CFAP45: variants seen among roughly 807,000 people sequenced by gnomAD.
CFAP45 encodes cilia and flagella associated protein 45, also known as cilia- and flagella-associated protein 45.
A neutral mutation model predicts 75.6 loss-of-function variants in CFAP45; 43 were observed. The observed-to-expected ratio is 0.57, with a 90% CI of 0.45 to 0.73. The LOEUF (loss-of-function observed/expected upper bound fraction) is 0.73, where lower values mean the gene tolerates loss of function less well. Ranked by LOEUF, CFAP45 falls within the 30% of genes least tolerant of loss-of-function variation. The pLI, the probability that CFAP45 is intolerant of heterozygous loss-of-function variation, is 0.00. For missense variants in CFAP45, 689 were observed against 701.5 expected, an observed-to-expected ratio of 0.98 and a Z score of 0.20; for synonymous variants, 223 against 244.6, an observed-to-expected ratio of 0.91 and a Z score of 0.82.
chr1:159,880,721 G>A (rs910471941), intron 7 of CFAP45, 21 bp from the exon 8 acceptor site: 2 of 1,612,934 alleles, frequency 1.2e-6, no homozygotes, highest in African/African-American at 2.7e-5. Context: ...AAGAAAGAGA[G>A]CCTCAGAGTA....
rs1649473267 is a variant in CFAP45 at position 159,878,762 on chromosome 1, A to AAAAAAAAAAT, written c.1045-1301_1045-1300insATTTTTTTTT. Among the ~76,000 whole-genome samples, 7 of 124,206 alleles carry AAAAAAAAAAT rather than the reference A, an allele frequency of 5.6e-5. 1 individual carries two copies. Among genetic ancestry groups the AAAAAAAAAAT allele is most frequent in the African/African-American group, 2.0e-4 (7 of 35,806 alleles). The allele number at this position is 124,206 out of a possible 152,430, so 81.5% of individuals were successfully genotyped here. On this transcript the variant is annotated intron_variant, in intron 8 of 11. Coordinates refer to ENST00000368099, the MANE Select transcript of CFAP45 (RefSeq NM_012337.3). Reference sequence around the variant, plus strand: ...AGAGCAAGACTACATCTAAAAAAAAAAAAAAAAAAAAAAAAAAAAACCTTC... The same window carrying AAAAAAAAAAT: ...AGAGCAAGACTACATCTAAAAAAAAAAAAAAAAAATAAAAAAAAAAAAAAAAAAAACCTTC...
intron 10 of CFAP45, among the ~76,000 whole-genome samples, chr1:159,876,012 C>T (rs1287906244): frequency 6.6e-6 from 1 of 152,214 alleles, no homozygotes; most frequent in Non-Finnish European, 1.5e-5. Context: ...TCTCTAATAC[C>T]TTTCCTGTGG....
At chr1:159,886,320 C>T (rs915080740) in intron 6 of CFAP45, among the ~76,000 whole-genome samples, 191 bp downstream of exon 6, 8 of 150,416 alleles carry the variant, frequency 5.3e-5, no homozygotes, top group Non-Finnish European at 8.9e-5. Flanking sequence ...AGAGCCTGGG[C>T]GACAGAGTGA....
Position 159,877,350 on chromosome 1 carries a change from T to C in CFAP45, c.1157A>G (p.Gln386Arg). Residue 386 changes from glutamine (Q) to arginine (R), a missense_variant and splice_region_variant, in exon 9 of 12, where the codon CAG becomes CGG. Transcript: ENST00000368099. ...QEKAQDYQAE[Q>R]DALRAKRNQE... is the part of the protein sequence containing the mutation. ...GGGAAGTCGAGACTAAGCAGGTACC[T>C]GTTCTGCCTGGTAATCCTGGGCCTT... is the stretch of plus-strand genomic sequence containing the variant. 6.2e-7 allele frequency: 1 copy of C among 1,600,004 alleles called. No individual in the cohort carries two copies. The highest frequency in any genetic ancestry group is 8.6e-7 in the Non-Finnish European group (1 of 1,167,054).
At chr1:159,890,419 C>T in intron 3 of CFAP45, 61 bp downstream of exon 3, 1 of 1,568,990 alleles carries the variant, frequency 6.4e-7, no homozygotes, top group Non-Finnish European at 8.7e-7. Flanking sequence ...CATCTCCCTA[C>T]AAAGATCCTT....
chr1:159,887,737 G>T, intron 5 of CFAP45, 104 bp downstream of exon 5: 91 of 1,066,236 alleles, frequency 8.5e-5, no homozygotes, highest in Non-Finnish European at 1.0e-4. Flanking sequence ...CCCCACCCCT[G>T]CCCACACCCC....
intron 8 of CFAP45, among the ~76,000 whole-genome samples, chr1:159,878,778 A>AAAAAAAAAAAAAC (rs1462750076): frequency 7.2e-6 from 1 of 137,968 alleles, no homozygotes; most frequent in East Asian, 2.0e-4. Context: ...AAAAAAAAAA[A>AAAAAAAAAAAAAC]AAAACCTTCC....
chr1:159,895,567 C>T (rs373109986), intron 1 of CFAP45, among the ~76,000 whole-genome samples: 5 of 152,180 alleles, frequency 3.3e-5, no homozygotes, highest in African/African-American at 7.2e-5. Context: ...CCTCACTGCC[C>T]GGCACAGCCA....
chr1:159,900,070 G>A (rs766068410), intron 1 of CFAP45, 26 bp downstream of exon 1: 8 of 1,613,716 alleles, frequency 5.0e-6, no homozygotes, highest in African/African-American at 1.3e-5. Flanking sequence ...CAGGACACAA[G>A]GGGCCCATCT....
chr1:159,887,036 C>T (rs977711465), intron 5 of CFAP45, among the ~76,000 whole-genome samples: 1 of 152,094 alleles, frequency 6.6e-6, no homozygotes, highest in African/African-American at 2.4e-5. Flanking sequence ...CATGTACACA[C>T]AAAATTTCTA....
chr1:159,877,433 C>T lies in CFAP45; in HGVS notation c.1074G>A (p.Gln358=). 5 of 1,614,136 alleles carry T rather than the reference C, an allele frequency of 3.1e-6. No homozygotes were observed. The highest frequency in any genetic ancestry group is 1.7e-5 in the Admixed American group (1 of 60,032). Residue 358 remains glutamine (Q), a synonymous_variant, in exon 9 of 12, where the codon CAG becomes CAA. Transcript: ENST00000368099. ...MAREAEFEAE[Q]ERIRREKEKE... is the part of the protein sequence containing the mutation. Reference sequence around the variant, plus strand: ...TCTCTTTCTCCCTCCGGATTCTCTCCTGCTCAGCCTCAAACTCTGCTTCTC... The same window carrying T: ...TCTCTTTCTCCCTCCGGATTCTCTCTTGCTCAGCCTCAAACTCTGCTTCTC...
intron 5 of CFAP45, 66 bp downstream of exon 5, chr1:159,887,775 G>C: frequency 6.6e-7 from 1 of 1,514,372 alleles, no homozygotes; most frequent in Middle Eastern, 2.4e-4. Context: ...GTCCAGTGCG[G>C]GAATAAGGGG....
chr1:159,894,935 T>C (rs1049146148), intron 1 of CFAP45, among the ~76,000 whole-genome samples: 3 of 152,186 alleles, frequency 2.0e-5, no homozygotes, highest in Non-Finnish European at 2.9e-5. Context: ...TTGGCAGTTT[T>C]GGGGGTGCAA....
At chr1:159,878,753 T>TTAAAAAAAAAAAAAA (rs1649468913) in intron 8 of CFAP45, among the ~76,000 whole-genome samples, 2 of 32,496 alleles carry the variant, frequency 6.2e-5, no homozygotes, top group African/African-American at 9.7e-5. Context: ...AGACTACATC[T>TTAAAAAAAAAAAAAA]AAAAAAAAAA....
intron 10 of CFAP45, 71 bp from the exon 11 acceptor site, chr1:159,873,239 C>CCCACCCAGGAGG: frequency 2.2e-6 from 3 of 1,351,204 alleles, no homozygotes; most frequent in Non-Finnish European, 3.1e-6. Flanking sequence ...GGTGGGGGAG[C>CCCACCCAGGAGG]CTCCTGGGTG....
rs1232494161 is a variant in CFAP45 at position 159,874,800 on chromosome 1, AT to A, written c.1353-1633del. The stretch of plus-strand genomic sequence containing the variant: ...CTAATCCCAGACCATTTAAATCACA[AT>A]CTAGGAAGTGAAGCCTGGTCATCGT... On this transcript the variant is annotated intron_variant, in intron 10 of 11. Coordinates refer to ENST00000368099, the MANE Select transcript of CFAP45 (RefSeq NM_012337.3). Among the ~76,000 whole-genome samples, 6 of 152,302 alleles carry A rather than the reference AT, an allele frequency of 3.9e-5. No homozygotes were observed. In the South Asian group the frequency reaches 1.0e-3, roughly 26 times the overall value.
At chr1:159,878,753 T>TAAAACAAAAAA (rs1649469340) in intron 8 of CFAP45, among the ~76,000 whole-genome samples, 1 of 32,496 alleles carries the variant, frequency 3.1e-5, no homozygotes, top group Non-Finnish European at 5.8e-5. Flanking sequence ...AGACTACATC[T>TAAAACAAAAAA]AAAAAAAAAA....
intron 1 of CFAP45, among the ~76,000 whole-genome samples, chr1:159,896,519 A>G (rs1349263512): frequency 2.0e-5 from 3 of 152,224 alleles, no homozygotes; most frequent in East Asian, 3.8e-4. Context: ...TCAAGCACAA[A>G]TGTAAAGCTG....
rs547094699 is a variant in CFAP45 at position 159,886,997 on chromosome 1, G to A, written c.589-308C>T. Among the ~76,000 whole-genome samples, 9 of 152,156 alleles carry A rather than the reference G, an allele frequency of 5.9e-5. No homozygotes were observed. In the East Asian group the frequency reaches 7.7e-4, roughly 13 times the overall value. On this transcript the variant is annotated intron_variant, in intron 5 of 11. Coordinates refer to ENST00000368099, the MANE Select transcript of CFAP45 (RefSeq NM_012337.3). ...CCTTTGGAAATATGATGAAAGCAAC[G>A]GCCCTCTCCTCCATAAAACTCACTT... is the stretch of plus-strand genomic sequence containing the variant.
Sources: allele counts gnomAD v4.1 joint callset (sites outside exome capture counted in the v4.1 genomes callset), GRCh38; gene constraint gnomAD v4.1.1; transcripts MANE v1.5; gene names NCBI Gene and HGNC (gene_info 2026-07-23, HGNC 2026-07-21).